Variants in THSD7B observed in about 807,000 individuals in gnomAD.
The protein encoded by THSD7B is thrombospondin type-1 domain-containing protein 7B.
THSD7B carries 138 observed loss-of-function variants against 213.6 expected under a neutral mutation model. The ratio of observed to expected loss-of-function variants is 0.65; its 90% confidence interval spans 0.56 to 0.74. The LOEUF (loss-of-function observed/expected upper bound fraction) is 0.74. Ranked by LOEUF, THSD7B falls within the 30% of genes least tolerant of loss-of-function variation. The probability of loss-of-function intolerance (pLI) is 0.00; values close to 1 mark genes in which losing one functional copy is unlikely to be tolerated. For missense variants in THSD7B, 1,931 were observed against 1,991.5 expected, an observed-to-expected ratio of 0.97 and a Z score of 0.58; for synonymous variants, 742 against 687.0, an observed-to-expected ratio of 1.08 and a Z score of -1.25.
At chr2:136,765,871 C>T (rs1478760264) in intron 1 of THSD7B, among the ~76,000 whole-genome samples, 184 bp downstream of exon 1, 2 of 152,236 alleles carry the variant, frequency 1.3e-5, no homozygotes, top group Admixed American at 6.5e-5. Context: ...AGCGGATCTT[C>T]TCGGACGCCT....
Position 137,505,822 on chromosome 2 carries a change from G to A in THSD7B, c.3138+54799G>A, listed in dbSNP as rs148435301. 1.2e-4 allele frequency among the ~76,000 whole-genome samples: 18 copies of A among 152,334 alleles called. No individual in the cohort carries two copies. In the East Asian group the frequency reaches 3.3e-3, roughly 28 times the overall value. On this transcript the variant is annotated intron_variant, in intron 15 of 27. Coordinates refer to ENST00000409968, the MANE Select transcript of THSD7B (RefSeq NM_001316349.2). ...CCAGGGCTGTCAGGAAGCAGAGGGA[G>A]TGCAGGGACTGTGATAAGAGCTTCT...
intron 10 of THSD7B, among the ~76,000 whole-genome samples, chr2:137,257,080 C>T (rs536186756): frequency 1.6e-4 from 25 of 152,238 alleles, no homozygotes; most frequent in African/African-American, 5.3e-4. Flanking sequence ...GTCCCACTCC[C>T]GTGATCCGTA....
chr2:136,825,262 T>A (rs970302452), intron 1 of THSD7B, among the ~76,000 whole-genome samples: 2 of 152,206 alleles, frequency 1.3e-5, no homozygotes, highest in African/African-American at 4.8e-5. Flanking sequence ...GGTAATTTAA[T>A]GGTAATTAAA....
chr2:137,293,180 C>T (rs1454487178), intron 12 of THSD7B, among the ~76,000 whole-genome samples: 1 of 151,562 alleles, frequency 6.6e-6, no homozygotes, highest in African/African-American at 2.4e-5. Context: ...TCTGTATCAT[C>T]CAGGCTGGAG....
Position 137,233,085 on chromosome 2 carries a change from G to C in THSD7B, c.2102G>C (p.Arg701Pro), listed in dbSNP as rs1419170612. Reference sequence around the variant, plus strand: ...ACGTGTGGTGTAGGCATTCAGACTCGGAGAGTCTTCTGTGTCAAGAGTCAC... The same window carrying C: ...ACGTGTGGTGTAGGCATTCAGACTCCGAGAGTCTTCTGTGTCAAGAGTCAC... ...EATCGVGIQT[R>P]RVFCVKSHVG... The change falls in exon 9 of 28, where the codon CGG becomes CCG. Residue 701 changes from arginine (R) to proline (P), a missense_variant. Arg to Pro is a moderately radical substitution (Grantham distance 103). Transcript: ENST00000409968. 1 of 1,613,858 alleles carries C rather than the reference G, an allele frequency of 6.2e-7. No homozygotes were observed. Among genetic ancestry groups the C allele is most frequent in the Non-Finnish European group, 8.5e-7 (1 of 1,179,818 alleles).
intron 2 of THSD7B, among the ~76,000 whole-genome samples, chr2:137,015,507 C>T (rs915653703): frequency 1.3e-5 from 2 of 152,090 alleles, no homozygotes; most frequent in Non-Finnish European, 2.9e-5. Flanking sequence ...AATTGAGCAT[C>T]GTGGGTGTGG....
At chr2:136,926,024 A>G (rs1423344341) in intron 2 of THSD7B, among the ~76,000 whole-genome samples, 1 of 151,638 alleles carries the variant, frequency 6.6e-6, no homozygotes, top group Non-Finnish European at 1.5e-5. Flanking sequence ...GTTTCTTCCA[A>G]TTCCCTCACT....
chr2:136,773,259 A>T (rs1485810133), intron 1 of THSD7B, among the ~76,000 whole-genome samples: 2 of 152,104 alleles, frequency 1.3e-5, no homozygotes, highest in African/African-American at 4.8e-5. Flanking sequence ...AACTTATGAA[A>T]TCCTCTCAAA....
intron 15 of THSD7B, among the ~76,000 whole-genome samples, chr2:137,472,069 G>A (rs1330494270): frequency 6.6e-6 from 1 of 152,186 alleles, no homozygotes; most frequent in African/African-American, 2.4e-5. Context: ...ATCTGCAGGT[G>A]TTGGAGTTTA....
chr2:137,603,836 C>A (rs1682119810), intron 17 of THSD7B, among the ~76,000 whole-genome samples: 1 of 152,164 alleles, frequency 6.6e-6, no homozygotes, highest in South Asian at 2.1e-4. Flanking sequence ...CATGGCCAGG[C>A]ACGGTGGCTC....
intron 3 of THSD7B, among the ~76,000 whole-genome samples, chr2:137,058,078 T>C (rs1687202956): frequency 6.6e-6 from 1 of 152,240 alleles, no homozygotes; most frequent in South Asian, 2.1e-4. Flanking sequence ...TTAATCATTC[T>C]CATCAGTTGC....
intron 3 of THSD7B, among the ~76,000 whole-genome samples, chr2:137,088,020 G>C (rs532490800): frequency 6.6e-6 from 1 of 151,986 alleles, no homozygotes; most frequent in South Asian, 2.1e-4. Flanking sequence ...CAGGTGGATT[G>C]CCTGAGTTCA....
intron 12 of THSD7B, among the ~76,000 whole-genome samples, chr2:137,298,935 CAG>C (rs1234582373): frequency 6.6e-6 from 1 of 152,174 alleles, no homozygotes; most frequent in East Asian, 1.9e-4. Flanking sequence ...AGTCCCCACA[CAG>C]AGTCCCTAGT....
chr2:137,038,921 C>T (rs1437905065), intron 2 of THSD7B, among the ~76,000 whole-genome samples: 7 of 150,948 alleles, frequency 4.6e-5, no homozygotes, highest in African/African-American at 1.7e-4. Context: ...CAGGCTGATT[C>T]CAAAGTCTAG....
intron 1 of THSD7B, among the ~76,000 whole-genome samples, chr2:136,867,433 T>C (rs1683350563): frequency 6.6e-6 from 1 of 152,190 alleles, no homozygotes; most frequent in African/African-American, 2.4e-5. Context: ...CACATGTCTT[T>C]AATGGACCTT....
At chr2:136,914,150 T>C (rs1684313675) in intron 2 of THSD7B, among the ~76,000 whole-genome samples, 1 of 152,176 alleles carries the variant, frequency 6.6e-6, no homozygotes, top group Non-Finnish European at 1.5e-5. Flanking sequence ...GGAGATCATT[T>C]TGGAGCTTCA....
chr2:137,176,167 T>C (rs1680354044), intron 7 of THSD7B, among the ~76,000 whole-genome samples: 1 of 152,144 alleles, frequency 6.6e-6, no homozygotes, highest in African/African-American at 2.4e-5. Context: ...GTATATTCCT[T>C]CAGTGAATCA....
intron 2 of THSD7B, among the ~76,000 whole-genome samples, chr2:136,956,671 AT>A (rs907505904): frequency 2.0e-5 from 3 of 147,760 alleles, no homozygotes; most frequent in Admixed American, 6.7e-5. Context: ...TATTACTTTA[AT>A]TTTTTTTCTT....
At chr2:137,241,651 G>A (rs1245355598) in intron 9 of THSD7B, among the ~76,000 whole-genome samples, 3 of 152,090 alleles carry the variant, frequency 2.0e-5, no homozygotes, top group Admixed American at 6.5e-5. Flanking sequence ...GGTGGCTCAC[G>A]CCTGTAATCC....
Sources: gnomAD v4.1 joint callset for allele counts (sites outside exome capture counted in the v4.1 genomes callset) on GRCh38, gnomAD v4.1.1 for gene constraint, MANE v1.5 for transcripts, NCBI Gene and HGNC (gene_info 2026-07-23, HGNC 2026-07-21) for gene names.